Variants in GNAO1 observed in about 807,000 individuals in gnomAD.
GNAO1 encodes G protein subunit alpha o1.
For synonymous variants in GNAO1, 164 were observed against 180.7 expected (o/e 0.91, Z 0.74); for missense variants, 166 against 478.7 (o/e 0.35, Z 6.10).
At chr16:56,345,571 G>T in intron 6 of GNAO1, 1 of 985,506 alleles carries the variant, frequency 1.0e-6, no homozygotes, top group Non-Finnish European at 1.2e-6. Flanking sequence ...TGCCTGGGGA[G>T]CCTCTGGCAG....
intron 2 of GNAO1, among the ~76,000 whole-genome samples, chr16:56,207,738 A>G (rs545770443): frequency 6.6e-6 from 1 of 152,362 alleles, no homozygotes; most frequent in African/African-American, 2.4e-5. Context: ...GTGAGGGAGC[A>G]CCTACCTCGG....
chr16:56,266,527 C>A (rs117778311), intron 2 of GNAO1, among the ~76,000 whole-genome samples: 1 of 152,352 alleles, frequency 6.6e-6, no homozygotes, highest in Admixed American at 6.5e-5. Context: ...GGCCCCCCAG[C>A]ACCACATTCA....
intron 7 of GNAO1, among the ~76,000 whole-genome samples, chr16:56,353,746 A>G (rs923740639): frequency 1.3e-5 from 2 of 152,294 alleles, no homozygotes; most frequent in Admixed American, 1.3e-4. Flanking sequence ...AATCCTTAAC[A>G]GCTGTGCTGT....
intron 2 of GNAO1, among the ~76,000 whole-genome samples, chr16:56,267,675 C>T (rs1187957307): frequency 6.6e-6 from 1 of 152,168 alleles, no homozygotes; most frequent in Non-Finnish European, 1.5e-5. Context: ...GTATTTTCCC[C>T]TTATTCCCAT....
At chr16:56,331,015 T>C (rs2037683764) in intron 4 of GNAO1, among the ~76,000 whole-genome samples, 1 of 152,218 alleles carries the variant, frequency 6.6e-6, no homozygotes, top group Non-Finnish European at 1.5e-5. Context: ...CAGTTAGACC[T>C]CAGCTTCTGA....
chr16:56,336,285 T>C (rs2037739206), intron 5 of GNAO1: 1 of 170,590 alleles, frequency 5.9e-6, no homozygotes, highest in Admixed American at 5.6e-5. Flanking sequence ...AGCCCATGGG[T>C]GGCTCACTTC....
At chr16:56,234,212 GGA>G (rs1596812462) in intron 2 of GNAO1, among the ~76,000 whole-genome samples, 1 of 152,258 alleles carries the variant, frequency 6.6e-6, no homozygotes, top group Non-Finnish European at 1.5e-5. Flanking sequence ...GACACCCCAA[GGA>G]GAGTCTACCT....
At position 56,328,665 on chromosome 16, in the gene GNAO1, G is replaced by A. The variant is rs956210011; in HGVS notation, c.338G>A (p.Arg113Gln). The change falls in exon 4 of 9, where the codon CGG becomes CAG. Residue 113 changes from arginine to glutamine, a missense_variant. Arg to Gln is a conservative substitution (Grantham distance 43). Coordinates refer to ENST00000262493, the MANE Select transcript of GNAO1 (RefSeq NM_020988.3). ...AAGATGGTGTGTGATGTGGTGAGTC[G>A]GATGGAAGACACCGAGCCCTTCTCT... ...DAKMVCDVVS[R>Q]MEDTEPFSAE... 3.1e-6 allele frequency: 5 copies of A among 1,614,058 alleles called. No individual in the cohort carries two copies. Among genetic ancestry groups the A allele is most frequent in the Non-Finnish European group, 3.4e-6 (4 of 1,180,012 alleles).
intron 3 of GNAO1, among the ~76,000 whole-genome samples, chr16:56,298,920 A>G (rs1192459671): frequency 2.0e-5 from 3 of 151,724 alleles, no homozygotes; most frequent in African/African-American, 4.8e-5. Context: ...GTCTCAAAAA[A>G]AAAAAAAAAA....
chr16:56,336,333 C>T, intron 5 of GNAO1: 1 of 178,594 alleles, frequency 5.6e-6, no homozygotes, highest in Non-Finnish European at 1.2e-5. Context: ...CTGCCTGCCT[C>T]CCTCCCAGGC....
chr16:56,255,931 T>G (rs1159519140), intron 2 of GNAO1, among the ~76,000 whole-genome samples: 1 of 152,186 alleles, frequency 6.6e-6, no homozygotes, highest in Non-Finnish European at 1.5e-5. Flanking sequence ...AAGACATTGT[T>G]TTAATATGTG....
chr16:56,212,980 T>G (rs2036404568), intron 2 of GNAO1, among the ~76,000 whole-genome samples: 2 of 152,102 alleles, frequency 1.3e-5, no homozygotes, highest in African/African-American at 4.8e-5. Context: ...ACACACAGGG[T>G]CAGGCTGCCT....
chr16:56,340,913 TTC>T (rs1202918689), intron 6 of GNAO1: 1 of 1,613,920 alleles, frequency 6.2e-7, no homozygotes, highest in South Asian at 1.1e-5. Context: ...ATCATCCTGT[TTC>T]TTAACAAGAA....
intron 3 of GNAO1, among the ~76,000 whole-genome samples, chr16:56,280,367 C>T (rs1191982784): frequency 1.3e-5 from 2 of 152,114 alleles, no homozygotes; most frequent in African/African-American, 4.8e-5. Context: ...GCAGAGGAGG[C>T]CAGTGGGCAG....
intron 2 of GNAO1, chr16:56,194,217 C>T (rs562450833): frequency 1.1e-5 from 5 of 456,476 alleles, no homozygotes; most frequent in Non-Finnish European, 2.2e-5. Flanking sequence ...CCTTCTGAGC[C>T]AGGGGTAATT....
intron 6 of GNAO1, chr16:56,346,618 G>C (rs1227803737): frequency 2.0e-6 from 2 of 985,338 alleles, no homozygotes; most frequent in East Asian, 2.3e-4. Context: ...AGAGAGCACA[G>C]TCTGGGCCCC....
At chr16:56,330,118 G>C (rs4784655) in intron 4 of GNAO1, among the ~76,000 whole-genome samples, 48,435 of 152,176 alleles carry the variant, frequency 0.32, 8,787 homozygotes, top group East Asian at 0.7. Flanking sequence ...AGATTGTCCA[G>C]AGGGCAAATG....
intron 3 of GNAO1, among the ~76,000 whole-genome samples, chr16:56,293,856 C>T (rs1372082874): frequency 2.0e-5 from 3 of 152,182 alleles, no homozygotes; most frequent in Admixed American, 6.5e-5. Flanking sequence ...TGTGACCTCT[C>T]TGCACCTTTC....
intron 2 of GNAO1, 92 bp downstream of exon 2, chr16:56,192,708 G>T: frequency 1.3e-6 from 1 of 770,094 alleles, no homozygotes; most frequent in South Asian, 1.4e-5. Context: ...TGCTCTCCAG[G>T]CCTGTTTTTT....
Sources: gnomAD v4.1 joint callset for allele counts (sites outside exome capture counted in the v4.1 genomes callset) on GRCh38, gnomAD v4.1.1 for gene constraint, MANE v1.5 for transcripts, NCBI Gene and HGNC (gene_info 2026-07-23, HGNC 2026-07-21) for gene names.